Variants in DNAAF19 observed in about 807,000 individuals in gnomAD.
DNAAF19 encodes the protein dynein axonemal assembly factor 19.
the DNAAF19 span, chr17:44,904,372 C>T: frequency 2.5e-4 from 392 of 1,543,438 alleles, 1 homozygote; most frequent in African/African-American, 4.6e-3. Flanking sequence ...GTGACCGCTG[C>T]GGAGTGCGTG....
the DNAAF19 span, among the ~76,000 whole-genome samples, chr17:44,902,103 G>C: frequency 6.6e-6 from 1 of 152,172 alleles, no homozygotes; most frequent in Non-Finnish European, 1.5e-5. Flanking sequence ...TTGAAGACCA[G>C]AGCTATGTCT....
At chr17:44,903,955 C>CT in the DNAAF19 span, 5 of 1,550,606 alleles carry the variant, frequency 3.2e-6, no homozygotes, top group South Asian at 5.9e-5. Flanking sequence ...AAAATGCAGC[C>CT]TACCTGGCCG....
the DNAAF19 span, chr17:44,903,667 G>GCC: frequency 7.0e-7 from 1 of 1,435,258 alleles, no homozygotes; most frequent in Non-Finnish European, 9.1e-7. Context: ...GGAATAAATT[G>GCC]CCTTGCACTT....
the DNAAF19 span, chr17:44,903,651 C>T: frequency 7.0e-7 from 1 of 1,433,140 alleles, no homozygotes; most frequent in Non-Finnish European, 9.1e-7. Context: ...TCTTGTACAT[C>T]CACTGGGAAT....
the DNAAF19 span, chr17:44,904,281 A>G: frequency 2.6e-6 from 4 of 1,549,942 alleles, no homozygotes; most frequent in Non-Finnish European, 3.5e-6. Context: ...GCCACTTTCC[A>G]GGACAAGGGC....
the DNAAF19 span, chr17:44,901,107 G>A: frequency 6.2e-7 from 1 of 1,608,032 alleles, no homozygotes; most frequent in Non-Finnish European, 8.5e-7. Flanking sequence ...GTTACGGGCA[G>A]TGGAACAGAG....
the DNAAF19 span, chr17:44,903,460 G>T: frequency 7.9e-7 from 1 of 1,260,420 alleles, no homozygotes; most frequent in Non-Finnish European, 1.0e-6. Context: ...GGCAGGGCAG[G>T]GCCTGGAGCA....
At chr17:44,902,561 C>T in the DNAAF19 span, 66 of 1,614,112 alleles carry the variant, frequency 4.1e-5, no homozygotes, top group African/African-American at 7.3e-4. Context: ...GTGGGGCCGG[C>T]TGACCGGGCA....
At chr17:44,903,323 T>C in the DNAAF19 span, 1 of 1,247,124 alleles carries the variant, frequency 8.0e-7, no homozygotes, top group Non-Finnish European at 1.0e-6. Context: ...TCAGTTCTTG[T>C]GCAGGTTGGG....
At chr17:44,903,230 A>T in the DNAAF19 span, 1 of 1,256,930 alleles carries the variant, frequency 8.0e-7, no homozygotes, top group Non-Finnish European at 1.0e-6. Context: ...GAATGTTTAT[A>T]GCCCCAAACC....
the DNAAF19 span, chr17:44,904,265 A>AT: frequency 2.6e-6 from 4 of 1,550,376 alleles, no homozygotes; most frequent in Non-Finnish European, 3.5e-6. Flanking sequence ...CAGTGAGGGA[A>AT]TGGTGGCCAC....
At chr17:44,904,035 AG>A in the DNAAF19 span, 1 of 1,550,618 alleles carries the variant, frequency 6.4e-7, no homozygotes, top group Non-Finnish European at 8.7e-7. Flanking sequence ...TTCTACCAAA[AG>A]CACCTAGGTA....
the DNAAF19 span, among the ~76,000 whole-genome samples, chr17:44,900,070 G>A: frequency 6.6e-6 from 1 of 152,138 alleles, no homozygotes; most frequent in Non-Finnish European, 1.5e-5. Flanking sequence ...GGAGTTTGCA[G>A]TTCAGAGAGG....
chr17:44,904,697 C>T, the DNAAF19 span: 8 of 1,550,604 alleles, frequency 5.2e-6, no homozygotes, highest in Non-Finnish European at 6.1e-6. Context: ...CATCTCCTGT[C>T]CTGGGGCCCG....
chr17:44,901,697 TAAAGCTTCA>T, the DNAAF19 span: 8 of 1,595,496 alleles, frequency 5.0e-6, no homozygotes, highest in Non-Finnish European at 6.8e-6. Flanking sequence ...TTCTCTGCCC[TAAAGCTTCA>T]ATCCTGTTTT....
chr17:44,901,725 G>T, the DNAAF19 span: 2 of 1,488,048 alleles, frequency 1.3e-6, no homozygotes, highest in Non-Finnish European at 1.8e-6. Context: ...TTTTCATTTT[G>T]TTTTGTTTTG....
chr17:44,904,807 C>A, the DNAAF19 span: 1 of 1,550,702 alleles, frequency 6.4e-7, no homozygotes, highest in South Asian at 1.2e-5. Flanking sequence ...TCATTGACCA[C>A]GGCAACCAGC....
the DNAAF19 span, chr17:44,904,931 T>C: frequency 6.4e-7 from 1 of 1,550,550 alleles, no homozygotes; most frequent in Non-Finnish European, 8.7e-7. Context: ...CTACCCAGCC[T>C]CGTTCTCAGA....
the DNAAF19 span, chr17:44,904,535 G>T: frequency 6.4e-7 from 1 of 1,550,550 alleles, no homozygotes. Context: ...TGAGGTGCTG[G>T]TTCGGAGCTG....
Sources: gnomAD v4.1 joint callset for allele counts (sites outside exome capture counted in the v4.1 genomes callset) on GRCh38, gnomAD v4.1.1 for gene constraint, MANE v1.5 for transcripts, NCBI Gene and HGNC (gene_info 2026-07-23, HGNC 2026-07-21) for gene names.